NELL2: variants seen among roughly 807,000 people sequenced by gnomAD.
The protein encoded by NELL2 is neural EGFL like 2.
In NELL2, 41 loss-of-function variants were observed where a neutral mutation model predicts 109.6. That is an observed-to-expected ratio of 0.37 (90% CI 0.29 to 0.49). The LOEUF is 0.49. Among genes scored for constraint, NELL2 ranks in the 20% least tolerant of loss-of-function variants. The pLI is 0.98. For synonymous variants in NELL2, 355 were observed against 344.7 expected, an observed-to-expected ratio of 1.03 and a Z score of -0.33; for missense variants, 900 against 1,008.3, an observed-to-expected ratio of 0.89 and a Z score of 1.45.
At chr12:44,653,821 C>T (rs1947389704) in intron 13 of NELL2, among the ~76,000 whole-genome samples, 1 of 152,174 alleles carries the variant, frequency 6.6e-6, no homozygotes, top group African/African-American at 2.4e-5. Flanking sequence ...TAAAGTTGCA[C>T]ATCTTAATTA....
At chr12:44,787,433 G>A (rs1439762064) in intron 3 of NELL2, among the ~76,000 whole-genome samples, 16 of 142,092 alleles carry the variant, frequency 1.1e-4, no homozygotes, top group East Asian at 8.3e-4. Flanking sequence ...AAATTTATAC[G>A]GAAAGGCAAA....
intron 15 of NELL2, among the ~76,000 whole-genome samples, chr12:44,559,616 C>A (rs776246468): frequency 6.6e-6 from 1 of 152,128 alleles, no homozygotes; most frequent in Non-Finnish European, 1.5e-5. Flanking sequence ...ATGAATGCAA[C>A]AAGAAGAGCT....
chr12:44,787,656 G>A (rs1942228883), intron 3 of NELL2, among the ~76,000 whole-genome samples: 2 of 151,952 alleles, frequency 1.3e-5, no homozygotes, highest in Admixed American at 1.3e-4. Context: ...ACACAAATAT[G>A]ACCAACTGAT....
chr12:44,536,059 AT>A (rs1942281605), intron 15 of NELL2, among the ~76,000 whole-genome samples: 2 of 151,820 alleles, frequency 1.3e-5, no homozygotes, highest in South Asian at 4.1e-4. Context: ...GTTTATGCAA[AT>A]TTTTCTACTT....
At chr12:44,602,978 C>T (rs538900012) in intron 15 of NELL2, among the ~76,000 whole-genome samples, 29 of 151,916 alleles carry the variant, frequency 1.9e-4, no homozygotes, top group African/African-American at 7.0e-4. Context: ...ATAAAATAAA[C>T]TTAAAAAAAA....
chr12:44,540,115 TTTAA>T (rs1310201303), intron 15 of NELL2, among the ~76,000 whole-genome samples: 1 of 152,278 alleles, frequency 6.6e-6, no homozygotes, highest in East Asian at 1.9e-4. Flanking sequence ...TATATACCTG[TTTAA>T]TTATATGTAT....
chr12:44,564,040 T>C (rs1292651888), intron 15 of NELL2, among the ~76,000 whole-genome samples: 1 of 152,190 alleles, frequency 6.6e-6, no homozygotes, highest in African/African-American at 2.4e-5. Flanking sequence ...CACATTTCCA[T>C]GGTTAAATGA....
At chr12:44,673,109 A>G (rs1948197886) in intron 12 of NELL2, among the ~76,000 whole-genome samples, 1 of 152,212 alleles carries the variant, frequency 6.6e-6, no homozygotes, top group South Asian at 2.1e-4. Context: ...ATAACTCTGT[A>G]GATCTAATTG....
At chr12:44,685,511 G>A (rs997742664) in intron 12 of NELL2, among the ~76,000 whole-genome samples, 36 of 151,984 alleles carry the variant, frequency 2.4e-4, no homozygotes, top group African/African-American at 7.3e-5. Context: ...TCCTAGTCTC[G>A]ATGGTCTTTA....
chr12:44,780,654 T>C (rs951428208), intron 3 of NELL2, among the ~76,000 whole-genome samples: 1 of 151,980 alleles, frequency 6.6e-6, no homozygotes, highest in African/African-American at 2.4e-5. Flanking sequence ...TTGGAAGTAA[T>C]GAAGCACACT....
intron 3 of NELL2, among the ~76,000 whole-genome samples, chr12:44,810,037 A>G (rs1406629084): frequency 6.6e-6 from 1 of 152,028 alleles, no homozygotes; most frequent in East Asian, 1.9e-4. Flanking sequence ...ACATTTCAGG[A>G]TGGATTAGGC....
At chr12:44,638,518 A>C (rs2136296530) in intron 13 of NELL2, among the ~76,000 whole-genome samples, 1 of 152,274 alleles carries the variant, frequency 6.6e-6, no homozygotes, top group South Asian at 2.1e-4. Context: ...TACACATGCA[A>C]TTTCTATCAT....
At chr12:44,562,739 C>T (rs1943512908) in intron 15 of NELL2, among the ~76,000 whole-genome samples, 1 of 152,176 alleles carries the variant, frequency 6.6e-6, no homozygotes, top group Admixed American at 6.5e-5. Flanking sequence ...TTAGTTCAAC[C>T]ATTGTGGAAG....
chr12:44,886,610 G>T (rs1361297267), intron 1 of NELL2, among the ~76,000 whole-genome samples: 1 of 151,882 alleles, frequency 6.6e-6, no homozygotes, highest in Non-Finnish European at 1.5e-5. Context: ...GATCAAATAA[G>T]TGTATTGGAA....
intron 2 of NELL2, among the ~76,000 whole-genome samples, chr12:44,856,882 A>T (rs972664105): frequency 6.6e-6 from 1 of 152,342 alleles, no homozygotes; most frequent in East Asian, 1.9e-4. Context: ...TATGTGAAGG[A>T]CAGACTGCAG....
chr12:44,576,704 C>A (rs1284569585), intron 15 of NELL2, among the ~76,000 whole-genome samples: 1 of 152,126 alleles, frequency 6.6e-6, no homozygotes, highest in African/African-American at 2.4e-5. Context: ...CCCCCCACCA[C>A]CCCACAACAG....
intron 15 of NELL2, among the ~76,000 whole-genome samples, chr12:44,589,105 C>A (rs954590115): frequency 6.6e-6 from 1 of 152,128 alleles, no homozygotes. Context: ...CTCAGTATGG[C>A]ATAGACTGTA....
intron 2 of NELL2, among the ~76,000 whole-genome samples, chr12:44,856,675 A>T (rs1412142835): frequency 1.3e-5 from 2 of 152,210 alleles, no homozygotes; most frequent in Non-Finnish European, 2.9e-5. Flanking sequence ...CTGGCGTTAA[A>T]GCAAAATAAG....
chr12:44,737,654 C>T (rs750253792), intron 9 of NELL2, among the ~76,000 whole-genome samples: 14 of 152,122 alleles, frequency 9.2e-5, no homozygotes, highest in Non-Finnish European at 1.3e-4. Flanking sequence ...CAACCTGCAT[C>T]ATTAAATGAG....
Sources: gnomAD v4.1 joint callset for allele counts (sites outside exome capture counted in the v4.1 genomes callset) on GRCh38, gnomAD v4.1.1 for gene constraint, MANE v1.5 for transcripts, NCBI Gene and HGNC (gene_info 2026-07-23, HGNC 2026-07-21) for gene names.